The following PHF20 variants were observed in gnomAD, a reference collection of about 807,000 sequenced individuals.
PHF20 encodes the protein PHD finger protein 20.
In PHF20, 23 loss-of-function variants were observed where a neutral mutation model predicts 113.5. The observed-to-expected ratio is 0.20, with a 90% CI of 0.15 to 0.29. The LOEUF is 0.29. PHF20 is among the 10% of genes least tolerant of loss of function. The probability of loss-of-function intolerance (pLI) is 1.00; values close to 1 mark genes in which losing one functional copy is unlikely to be tolerated. For missense variants in PHF20, 943 were observed against 1,219.6 expected (o/e 0.77, Z 3.38); for synonymous variants, 434 against 457.3 (o/e 0.95, Z 0.65).
chr20:35,834,627 GA>G (rs1282053918), intron 2 of PHF20, among the ~76,000 whole-genome samples: 2 of 152,024 alleles, frequency 1.3e-5, no homozygotes, highest in African/African-American at 4.8e-5. Context: ...AGAGGAGTGG[GA>G]AATCTCATGG....
Position 35,931,283 on chromosome 20 carries a change from G to A in PHF20, c.2139G>A (p.Lys713=). ...CTGGCTTCAAGTACTGGTATGACAA[G>A]GAGTGGCTGAGCAGGGGACATATGC... is the stretch of plus-strand genomic sequence containing the variant. ...QRPGFKYWYD[K]EWLSRGHMHG... The change falls in exon 15 of 18, where the codon AAG becomes AAA. Residue 713 remains lysine (K), a synonymous_variant. Coordinates refer to ENST00000374012, the MANE Select transcript of PHF20 (RefSeq NM_016436.5). 6.2e-7 allele frequency: 1 copy of A among 1,613,690 alleles called. No individual in the cohort carries two copies. The highest frequency in any genetic ancestry group is 8.5e-7 in the Non-Finnish European group (1 of 1,179,676).
chr20:35,854,270 TAACCCTC>T (rs2146956889), intron 4 of PHF20, among the ~76,000 whole-genome samples: 1 of 152,324 alleles, frequency 6.6e-6, no homozygotes, highest in Admixed American at 6.5e-5. Flanking sequence ...GCTGAGTCCT[TAACCCTC>T]AGAGGGGCAA....
intron 4 of PHF20, among the ~76,000 whole-genome samples, chr20:35,852,883 C>T (rs2042761244): frequency 6.6e-6 from 1 of 151,516 alleles, no homozygotes; most frequent in Admixed American, 6.6e-5. Flanking sequence ...AGGCGTGAGC[C>T]ACCGTGCCCG....
intron 2 of PHF20, among the ~76,000 whole-genome samples, chr20:35,827,580 C>T (rs992173072): frequency 6.6e-6 from 1 of 151,924 alleles, no homozygotes; most frequent in East Asian, 1.9e-4. Flanking sequence ...GTCAGGAGAT[C>T]GAGACCATCC....
chr20:35,891,865 T>C (rs571986581), intron 9 of PHF20, among the ~76,000 whole-genome samples: 27 of 152,058 alleles, frequency 1.8e-4, no homozygotes, highest in African/African-American at 5.1e-4. Flanking sequence ...TTATATATTA[T>C]TTATTTATTT....
chr20:35,821,383 TGA>T (rs1044574469), intron 2 of PHF20, among the ~76,000 whole-genome samples: 1 of 148,302 alleles, frequency 6.7e-6, no homozygotes, highest in Non-Finnish European at 1.5e-5. Context: ...TGCAGTGAGC[TGA>T]GATTGTGCCA....
chr20:35,775,526 C>T (rs913010044), intron 1 of PHF20, among the ~76,000 whole-genome samples: 6 of 151,814 alleles, frequency 4.0e-5, no homozygotes, highest in African/African-American at 1.2e-4. Flanking sequence ...GGAGCTGAGG[C>T]GGGCAGATCA....
chr20:35,834,862 G>A (rs1475534503), intron 2 of PHF20, among the ~76,000 whole-genome samples: 2 of 152,148 alleles, frequency 1.3e-5, no homozygotes, highest in Non-Finnish European at 2.9e-5. Context: ...ACTTGAGTTT[G>A]AAACATTTTT....
At chr20:35,857,826 C>T (rs1043555214) in intron 4 of PHF20, among the ~76,000 whole-genome samples, 13 of 152,000 alleles carry the variant, frequency 8.6e-5, no homozygotes, top group African/African-American at 3.1e-4. Context: ...CCTTGTCATC[C>T]GCCTGCCTCG....
At chr20:35,864,580 T>G (rs1338678318) in intron 6 of PHF20, among the ~76,000 whole-genome samples, 1 of 152,182 alleles carries the variant, frequency 6.6e-6, no homozygotes, top group East Asian at 1.9e-4. Context: ...GGAAAAAAAT[T>G]TAACTTACTT....
chr20:35,848,413 G>A (rs111347446), intron 4 of PHF20, among the ~76,000 whole-genome samples: 5 of 151,878 alleles, frequency 3.3e-5, no homozygotes, highest in African/African-American at 7.3e-5. Context: ...GATTACCAAC[G>A]TGCACCACGG....
intron 13 of PHF20, among the ~76,000 whole-genome samples, chr20:35,918,132 C>G (rs989908684): frequency 2.0e-5 from 3 of 152,072 alleles, no homozygotes; most frequent in African/African-American, 7.2e-5. Flanking sequence ...ATCTTCATCT[C>G]TGAGATGTGC....
At chr20:35,840,257 A>G (rs1568635729) in intron 2 of PHF20, among the ~76,000 whole-genome samples, 1 of 152,308 alleles carries the variant, frequency 6.6e-6, no homozygotes, top group South Asian at 2.1e-4. Context: ...TTTATTTTTA[A>G]CCGTTTATTT....
chr20:35,840,930 G>A (rs1192344959), intron 2 of PHF20, among the ~76,000 whole-genome samples: 5 of 152,172 alleles, frequency 3.3e-5, no homozygotes, highest in Non-Finnish European at 5.9e-5. Flanking sequence ...ACCATCTACT[G>A]AACTGACCAC....
At chr20:35,934,735 G>T (rs1482143413) in intron 15 of PHF20, among the ~76,000 whole-genome samples, 1 of 152,090 alleles carries the variant, frequency 6.6e-6, no homozygotes, top group African/African-American at 2.4e-5. Flanking sequence ...AAGTAGGGGT[G>T]GGGGTGGGGA....
intron 10 of PHF20, among the ~76,000 whole-genome samples, chr20:35,911,067 G>A (rs1479584159): frequency 6.6e-6 from 1 of 151,892 alleles, no homozygotes; most frequent in Non-Finnish European, 1.5e-5. Flanking sequence ...TTGAGACGGA[G>A]TCTTGCACTG....
At chr20:35,879,610 C>T (rs559458153) in intron 9 of PHF20, among the ~76,000 whole-genome samples, 9 of 151,878 alleles carry the variant, frequency 5.9e-5, no homozygotes, top group African/African-American at 1.4e-4. Flanking sequence ...TATATACCAT[C>T]GAATGTTATT....
intron 4 of PHF20, among the ~76,000 whole-genome samples, chr20:35,849,845 A>G (rs2042687802): frequency 6.6e-6 from 1 of 152,130 alleles, no homozygotes; most frequent in South Asian, 2.1e-4. Flanking sequence ...CATGCCTTGT[A>G]GATTTATCTT....
rs140686037 is a variant in PHF20 at position 35,846,303 on chromosome 20, C to T, written c.256-1047C>T. 5.3e-3 allele frequency among the ~76,000 whole-genome samples: 799 copies of T among 151,912 alleles called. 8 individuals carry two copies. The highest frequency in any genetic ancestry group is 0.018 in the African/African-American group (766 of 41,426). ...CAAGTGATTCTCCTGCCTCAGCCAT[C>T]GAGAAGCTGGGATTACAGGTGGCCG... On this transcript the variant is annotated intron_variant, in intron 3 of 17. Transcript: ENST00000374012.
Sources: allele counts gnomAD v4.1 joint callset (sites outside exome capture counted in the v4.1 genomes callset), GRCh38; gene constraint gnomAD v4.1.1; transcripts MANE v1.5; gene names NCBI Gene and HGNC (gene_info 2026-07-23, HGNC 2026-07-21).